The following MUC20 variants were observed in gnomAD, a reference collection of about 807,000 sequenced individuals.
The protein encoded by MUC20 is mucin 20, cell surface associated, also known as mucin-20.
In MUC20, 14 loss-of-function variants were observed where a neutral mutation model predicts 23.8. The ratio of observed to expected loss-of-function variants is 0.59; its 90% CI spans 0.39 to 0.92. MUC20 has a LOEUF of 0.92. MUC20 is among the 40% of genes least tolerant of loss of function. The pLI, the probability that MUC20 is intolerant of heterozygous loss-of-function variation, is 0.00. For missense variants in MUC20, 375 were observed against 668.8 expected (o/e 0.56, Z 4.85); for synonymous variants, 166 against 279.3 (o/e 0.59, Z 4.04).
chr3:195,722,289 A>C (rs1334955351), intron 1 of MUC20: 3 of 984,790 alleles, frequency 3.0e-6, no homozygotes, highest in Non-Finnish European at 3.6e-6. Context: ...CCTCGGAGCC[A>C]GAATCTGACT....
At chr3:195,721,357 C>A (rs3096328) in intron 1 of MUC20, among the ~76,000 whole-genome samples, 109,316 of 146,982 alleles carry the variant, frequency 0.74, 37,357 homozygotes, top group East Asian at 0.8. Flanking sequence ...CGCTAATCAA[C>A]CATGACGCTG....
At chr3:195,723,117 G>C (rs1396688497) in intron 1 of MUC20, among the ~76,000 whole-genome samples, 16 of 151,614 alleles carry the variant, frequency 1.1e-4, no homozygotes, top group African/African-American at 3.9e-4. Context: ...GACTGGCCTG[G>C]CTAGTAGGAG....
chr3:195,730,680 G>T (rs1395292472), intron 3 of MUC20, among the ~76,000 whole-genome samples: 1 of 152,170 alleles, frequency 6.6e-6, no homozygotes, highest in Admixed American at 6.5e-5. Context: ...GTCATCTGGG[G>T]AAGTGCAGGT....
In MUC20 at chr3:195,733,430, C is replaced by T; in HGVS notation, c.*212C>T. The T allele has an allele frequency of 7.0e-7, 1 of 1,432,520 alleles. No individual in the cohort carries two copies. Among genetic ancestry groups the T allele is most frequent in the Non-Finnish European group, 9.1e-7 (1 of 1,097,284 alleles). The allele number at this position is 1,432,520 out of a possible 1,614,324, so 88.7% of individuals were successfully genotyped here. A position where few individuals can be genotyped will look rare whatever the true frequency, so the allele number is the denominator to read the frequency against. ...GGAGTGTATGTGTGGGGAGGGGCTT[C>T]ACCTGTTCCCAGAGGTGTCCTTGGA... On this transcript the variant is annotated 3_prime_UTR_variant, in exon 4 of 4. Coordinates refer to ENST00000447234, the MANE Select transcript of MUC20 (RefSeq NM_001282506.2).
At position 195,733,214 on chromosome 3, in the gene MUC20, G is replaced by T; in HGVS notation, c.2126G>T (p.Gly709Val). ...FQVSLLRVRR[G>V] ...GTCTCCTTACTGCGTGTCAGGAGAG[G>T]CTAACGGACATCAGCTGCAGCCAGG... is the stretch of plus-strand genomic sequence containing the variant. Residue 709 changes from glycine to valine, a missense_variant, in exon 4 of 4, where the codon GGC becomes GTC. Physicochemically the swap from Gly to Val is moderately radical, Grantham distance 109 (BLOSUM62 -3). This residue lies in a region of MUC20 where 343 missense variants were observed against 340.2 expected (regional missense o/e 1.01). Coordinates refer to ENST00000447234, the MANE Select transcript of MUC20 (RefSeq NM_001282506.2). 6.3e-7 allele frequency: 1 copy of T among 1,590,220 alleles called. No homozygotes were observed. Among genetic ancestry groups the T allele is most frequent in the Non-Finnish European group, 8.6e-7 (1 of 1,169,324 alleles).
chr3:195,723,136 A>G (rs1712317335), intron 1 of MUC20, among the ~76,000 whole-genome samples: 1 of 151,772 alleles, frequency 6.6e-6, no homozygotes, highest in Middle Eastern at 3.4e-3. Flanking sequence ...AGGCTGAGTC[A>G]GGATTTGAAC....
intron 2 of MUC20, among the ~76,000 whole-genome samples, chr3:195,727,470 A>G (rs953526088): frequency 6.6e-6 from 1 of 152,276 alleles, no homozygotes; most frequent in South Asian, 2.1e-4. Context: ...GGAGAAGTTC[A>G]TTGTCAGAGG....
At chr3:195,729,935 T>G (rs1412424811) in intron 3 of MUC20, 196 bp downstream of exon 3, 1 of 621,660 alleles carries the variant, frequency 1.6e-6, no homozygotes, top group African/African-American at 1.8e-5. Flanking sequence ...GTTCTTCATT[T>G]CCTTCTCTGC....
intron 3 of MUC20, among the ~76,000 whole-genome samples, chr3:195,730,460 C>A (rs1713271266): frequency 6.6e-6 from 1 of 152,246 alleles, no homozygotes; most frequent in Admixed American, 6.5e-5. Context: ...ATTCTCCTGC[C>A]TCAGCCTCCC....
At position 195,726,232 on chromosome 3, in the gene MUC20, C is replaced by A. The variant is rs778636928; in HGVS notation, c.1629C>A (p.Tyr543Ter). Residue 543 changes from tyrosine to a stop codon, truncating the protein, a stop_gained, in exon 2 of 4, where the codon TAC becomes TAA. Coordinates refer to ENST00000447234, the MANE Select transcript of MUC20 (RefSeq NM_001282506.2). LOFTEE classifies it high-confidence loss of function. ...CCCTCTCTGTTGAGACACCAAGTTA[C>A]GTCAAAGTCTCAGGAGCAGCTCCGG... is the stretch of plus-strand genomic sequence containing the variant. Reference protein sequence around the residue: ...TSALSVETPSYVKVSGAAPVS... With the variant: ...TSALSVETPS The A allele has an allele frequency of 1.9e-6, 3 of 1,613,694 alleles. No homozygotes were observed. In the Admixed American group the frequency reaches 5.0e-5, roughly 27 times the overall value.
rs1713608179 is a variant in MUC20, at chr3:195,733,445, G to A, written c.*227G>A. 2.8e-6 allele frequency: 4 copies of A among 1,425,640 alleles called. No individual in the cohort carries two copies. Among genetic ancestry groups the A allele is most frequent in the Middle Eastern group, 2.5e-4 (1 of 3,976 alleles). 88.3% of individuals were successfully genotyped at this position (1,425,640 alleles called of 1,614,324 possible). On this transcript the variant is annotated 3_prime_UTR_variant, in exon 4 of 4. Coordinates refer to ENST00000447234, the MANE Select transcript of MUC20 (RefSeq NM_001282506.2). ...GGAGGGGCTTCACCTGTTCCCAGAG[G>A]TGTCCTTGGACTCACCTTGGCACAT...
intron 1 of MUC20, among the ~76,000 whole-genome samples, chr3:195,723,057 T>C (rs1712310506): frequency 6.7e-6 from 1 of 150,288 alleles, no homozygotes; most frequent in Admixed American, 6.6e-5. Flanking sequence ...AGGCAGGTAT[T>C]GTGACCCTGT....
At chr3:195,727,197 C>T (rs1012210079) in intron 2 of MUC20, among the ~76,000 whole-genome samples, 26 of 152,358 alleles carry the variant, frequency 1.7e-4, no homozygotes, top group Admixed American at 7.2e-4. Flanking sequence ...GTCAGGAGTT[C>T]GAGACCAGGC....
At position 195,733,322 on chromosome 3, in the gene MUC20, GT is replaced by G. The variant is rs1156720571; in HGVS notation, c.*105del. 2.8e-5 allele frequency: 42 copies of G among 1,527,170 alleles called. No individual in the cohort carries two copies. In the African/African-American group the frequency reaches 4.1e-4, roughly 15 times the overall value. The allele number at this position is 1,527,170 out of a possible 1,614,324, so 94.6% of individuals were successfully genotyped here. A position where few individuals can be genotyped will look rare whatever the true frequency, so the allele number is the denominator to read the frequency against. On this transcript the variant is annotated 3_prime_UTR_variant, in exon 4 of 4. Coordinates refer to ENST00000447234, the MANE Select transcript of MUC20 (RefSeq NM_001282506.2). The stretch of plus-strand genomic sequence containing the variant: ...TGCAGCTGCGTTACTGTGCTGAGAG[GT>G]ACCCAGAAGGTTCCCATGAAGGGCA...
At chr3:195,727,063 G>A (rs1340530529) in intron 2 of MUC20, among the ~76,000 whole-genome samples, 2 of 152,298 alleles carry the variant, frequency 1.3e-5, no homozygotes, top group East Asian at 1.9e-4. Flanking sequence ...GGGGCCTGCT[G>A]GATGCATTTC....
rs767601838 is a variant in MUC20 at position 195,726,555 on chromosome 3, C to T, written c.1952C>T (p.Thr651Ile). 6.2e-7 allele frequency: 1 copy of T among 1,613,392 alleles called. No homozygotes were observed. Among genetic ancestry groups the T allele is most frequent in the Admixed American group, 1.7e-5 (1 of 60,008 alleles). ...CCCACGACTGCCCGGACGAGGCCGACCACAGACGTGAGTGCAGGTAAGTGG... is the reference window on the plus strand; with the variant it reads ...CCCACGACTGCCCGGACGAGGCCGATCACAGACGTGAGTGCAGGTAAGTGG... ...ATPTTARTRPTTDVSAGENGG... is the reference protein window; with the variant it reads ...ATPTTARTRPITDVSAGENGG... The change falls in exon 2 of 4, where the codon ACC (threonine) becomes ATC (isoleucine). Residue 651 changes from threonine to isoleucine, a missense_variant. Around this residue, in one of 4 missense-constraint regions of MUC20, gnomAD observed 343 missense variants for 340.2 expected, o/e 1.01. Transcript: ENST00000447234.
At chr3:195,731,084 G>A (rs1713339542) in intron 3 of MUC20, among the ~76,000 whole-genome samples, 1 of 152,236 alleles carries the variant, frequency 6.6e-6, no homozygotes, top group Admixed American at 6.5e-5. Flanking sequence ...GTGAAAACAG[G>A]CCCAGTGCAC....
chr3:195,729,954 C>CT (rs1713196462), intron 3 of MUC20: 3 of 601,948 alleles, frequency 5.0e-6, no homozygotes, highest in Non-Finnish European at 8.7e-6. Context: ...GCAATGTAAA[C>CT]ATGTGACTCC....
intron 3 of MUC20, among the ~76,000 whole-genome samples, chr3:195,731,730 G>A (rs531466243): frequency 6.6e-6 from 1 of 152,374 alleles, no homozygotes; most frequent in South Asian, 2.1e-4. Context: ...ACATTTGATA[G>A]GCTGAGCTTA....
Sources: allele counts gnomAD v4.1 joint callset (sites outside exome capture counted in the v4.1 genomes callset), GRCh38; gene constraint gnomAD v4.1.1; regional missense constraint gnomAD v4.1.1; transcripts MANE v1.5; gene names NCBI Gene and HGNC (gene_info 2026-07-23, HGNC 2026-07-21).